Variants in XIRP2 observed in about 807,000 individuals in gnomAD.
XIRP2 encodes xin actin-binding repeat-containing protein 2.
Under a neutral mutation model 277.0 loss-of-function variants are expected in XIRP2, and 236 were observed. That is an observed-to-expected ratio of 0.85 (90% CI 0.77 to 0.95). The LOEUF (loss-of-function observed/expected upper bound fraction) is 0.95, where lower values mean the gene tolerates loss of function less well. XIRP2 is among the 40% of genes least tolerant of loss of function. The pLI, the probability that XIRP2 is intolerant of heterozygous loss-of-function variation, is 0.00. For synonymous variants in XIRP2, 1,490 were observed against 1,416.5 expected (o/e 1.05, Z -1.17); for missense variants, 4,640 against 4,157.5 (o/e 1.12, Z -3.19).
chr2:167,213,061 A>C (rs1365191323), intron 4 of XIRP2, among the ~76,000 whole-genome samples: 1 of 152,148 alleles, frequency 6.6e-6, no homozygotes, highest in African/African-American at 2.4e-5. Flanking sequence ...AATCATATTT[A>C]CACATGTAAA....
In XIRP2 at chr2:167,245,502, T is replaced by A; in HGVS notation, c.4110T>A (p.Val1370=). Residue 1370 remains valine (V), a synonymous_variant, in exon 9 of 11, where the codon GTT becomes GTA. Transcript: ENST00000409195. The part of the protein sequence containing the change: ...DSINKSETVY[V]IKSVTQEDIQ... ...TTAATAAATCAGAAACTGTGTATGT[T>A]ATTAAATCTGTCACACAAGAAGACA... The A allele has an allele frequency of 6.2e-7, 1 of 1,613,638 alleles. No individual in the cohort carries two copies. The highest frequency in any genetic ancestry group is 8.5e-7 in the Non-Finnish European group (1 of 1,179,746).
At chr2:167,082,635 A>G (rs1223490814) in intron 2 of XIRP2, among the ~76,000 whole-genome samples, 1 of 152,214 alleles carries the variant, frequency 6.6e-6, no homozygotes, top group Admixed American at 6.5e-5. Flanking sequence ...AATGATTGCC[A>G]TTCCAACTGG....
intron 2 of XIRP2, among the ~76,000 whole-genome samples, chr2:167,005,095 G>C (rs894098404): frequency 1.3e-5 from 2 of 151,794 alleles, no homozygotes; most frequent in African/African-American, 4.8e-5. Context: ...AAGTTCCATG[G>C]TGGGGGTTAT....
chr2:167,185,411 A>G (rs1203002752), intron 3 of XIRP2, among the ~76,000 whole-genome samples: 2 of 152,108 alleles, frequency 1.3e-5, no homozygotes, highest in Non-Finnish European at 2.9e-5. Context: ...TATTTAATGT[A>G]TATGTATTTT....
At chr2:167,162,855 A>G (rs1278989686) in intron 3 of XIRP2, among the ~76,000 whole-genome samples, 1 of 152,134 alleles carries the variant, frequency 6.6e-6, no homozygotes, top group Non-Finnish European at 1.5e-5. Flanking sequence ...AGTAACCACA[A>G]TCTGATTGTA....
chr2:167,042,634 G>T, intron 2 of XIRP2, among the ~76,000 whole-genome samples: 1 of 152,132 alleles, frequency 6.6e-6, no homozygotes, highest in East Asian at 1.9e-4. Context: ...AATAATGAAG[G>T]GTTCAATTCA....
intron 3 of XIRP2, among the ~76,000 whole-genome samples, chr2:167,166,811 G>A (rs1304859183): frequency 6.6e-6 from 1 of 152,096 alleles, no homozygotes; most frequent in African/African-American, 2.4e-5. Context: ...CAACACTGGG[G>A]ATTACATCTC....
intron 3 of XIRP2, among the ~76,000 whole-genome samples, chr2:167,169,866 G>A (rs1329496366): frequency 6.6e-6 from 1 of 152,098 alleles, no homozygotes; most frequent in African/African-American, 2.4e-5. Context: ...GGAATAATGA[G>A]AGCTGTACTT....
intron 2 of XIRP2, among the ~76,000 whole-genome samples, chr2:167,113,797 A>G (rs906154454): frequency 6.6e-6 from 1 of 152,188 alleles, no homozygotes; most frequent in Non-Finnish European, 1.5e-5. Flanking sequence ...TTCCATAGTT[A>G]GTGATTCTTT....
chr2:166,938,588 A>G (rs1444944069), intron 2 of XIRP2, among the ~76,000 whole-genome samples: 2 of 152,294 alleles, frequency 1.3e-5, no homozygotes, highest in East Asian at 3.9e-4. Context: ...TGGGGTAGAA[A>G]GTTCTGTAGA....
chr2:167,066,889 T>C (rs1689314919), intron 2 of XIRP2, among the ~76,000 whole-genome samples: 1 of 152,122 alleles, frequency 6.6e-6, no homozygotes. Context: ...TCATATGCAT[T>C]GTTTATGATA....
At chr2:167,174,499 C>T (rs527819801) in intron 3 of XIRP2, among the ~76,000 whole-genome samples, 186 of 152,068 alleles carry the variant, frequency 1.2e-3, no homozygotes, top group South Asian at 3.9e-3. Flanking sequence ...TTTGATTCTT[C>T]TCTCTTTTCT....
At chr2:166,922,293 G>A (rs1331664691) in intron 2 of XIRP2, among the ~76,000 whole-genome samples, 1 of 152,104 alleles carries the variant, frequency 6.6e-6, no homozygotes, top group Admixed American at 6.6e-5. Context: ...GTAATGTGCT[G>A]AGATTTGTTG....
intron 1 of XIRP2, among the ~76,000 whole-genome samples, chr2:166,890,254 A>G (rs879821521): frequency 3.9e-5 from 6 of 151,980 alleles, no homozygotes; most frequent in Non-Finnish European, 7.4e-5. Flanking sequence ...CAGCCTCCCA[A>G]ACTGCTGGGA....
intron 2 of XIRP2, among the ~76,000 whole-genome samples, chr2:166,939,695 AAAAC>A (rs1574097493): frequency 3.7e-5 from 5 of 136,020 alleles, no homozygotes; most frequent in African/African-American, 5.4e-5. Flanking sequence ...AAAAAAAAAA[AAAAC>A]AAAAAACAAA....
At chr2:166,952,760 T>C (rs1051351475) in intron 2 of XIRP2, among the ~76,000 whole-genome samples, 1 of 152,002 alleles carries the variant, frequency 6.6e-6, no homozygotes, top group Admixed American at 6.6e-5. Context: ...AAAAGTCTCA[T>C]TTCAAATAAA....
Position 166,911,927 on chromosome 2 carries a change from G to GA in XIRP2, c.408+8038dup, listed in dbSNP as rs1343701014. Among the ~76,000 whole-genome samples, 93 of 152,060 alleles carry GA rather than the reference G, an allele frequency of 6.1e-4. 1 individual carries two copies. The South Asian group carries it at 0.018, about 29-fold the overall frequency. On this transcript the variant is annotated intron_variant, in intron 2 of 10. Transcript: ENST00000409195. ...GAAAATACTTTTCTTTAAGAATGTT[G>GA]ATTTGGCCTCCACTCTCTTCTGGCT...
At chr2:167,239,758 A>ATTT in intron 5 of XIRP2, 97 bp from the exon 6 acceptor site, 2 of 1,032,820 alleles carry the variant, frequency 1.9e-6, no homozygotes, top group African/African-American at 1.7e-5. Flanking sequence ...AAAGAATCTC[A>ATTT]TTTTTTTTCA....
chr2:167,222,689 A>G (rs906018031), intron 5 of XIRP2, among the ~76,000 whole-genome samples: 3 of 152,154 alleles, frequency 2.0e-5, no homozygotes, highest in African/African-American at 4.8e-5. Flanking sequence ...TTTGGGAAAA[A>G]CATTCTAAAT....
Sources: allele counts gnomAD v4.1 joint callset (sites outside exome capture counted in the v4.1 genomes callset), GRCh38; gene constraint gnomAD v4.1.1; transcripts MANE v1.5; gene names NCBI Gene and HGNC (gene_info 2026-07-23, HGNC 2026-07-21).